Variants in SCNN1A observed in about 807,000 individuals in gnomAD.
SCNN1A encodes epithelial sodium channel subunit alpha.
SCNN1A carries 65 observed loss-of-function variants against 68.6 expected under a neutral mutation model. The ratio of observed to expected loss-of-function variants is 0.95; its 90% CI spans 0.78 to 1.16. The LOEUF is 1.16. Ranked by LOEUF, SCNN1A falls within the 50% of genes most tolerant of loss-of-function variation. The pLI is 0.00. For synonymous variants in SCNN1A, 357 were observed against 353.3 expected (o/e 1.01, Z -0.12); for missense variants, 880 against 865.9 (o/e 1.02, Z -0.20).
rs200650147 is a variant in SCNN1A at position 6,348,711 on chromosome 12, T to C, written c.1629+16A>G. 1.9e-6 allele frequency: 3 copies of C among 1,608,462 alleles called. 1 individual carries two copies. In the African/African-American group the frequency reaches 4.0e-5, roughly 22 times the overall value. On this transcript the variant is annotated intron_variant, in intron 12 of 12. Coordinates refer to ENST00000228916, the MANE Select transcript of SCNN1A (RefSeq NM_001038.6). ...GACCCCCAGAGCATCACAGGCTCCA[T>C]CCAGGCACGACCTACCGTGACAGAG...
At chr12:6,371,518 C>T (rs1357035573) in intron 2 of SCNN1A, among the ~76,000 whole-genome samples, 5 of 83,438 alleles carry the variant, frequency 6.0e-5, no homozygotes, top group African/African-American at 1.9e-4. Context: ...TCCATTGGAG[C>T]GTGGCGGGGG....
At chr12:6,350,843 ATAAT>A (rs1948374886) in intron 8 of SCNN1A, among the ~76,000 whole-genome samples, 1 of 143,068 alleles carries the variant, frequency 7.0e-6, no homozygotes, top group Admixed American at 6.6e-5. Context: ...CTCAAAATAA[ATAAT>A]AAATAAATAA....
intron 5 of SCNN1A, 31 bp downstream of exon 5, chr12:6,355,746 G>A (rs374815914): frequency 6.9e-7 from 1 of 1,451,282 alleles, no homozygotes; most frequent in African/African-American, 1.4e-5. Flanking sequence ...TGAAGCAGAG[G>A]GCGCCATGGA....
Position 6,362,057 on chromosome 12 carries a change from T to C in SCNN1A, c.869A>G (p.Asn290Ser), listed in dbSNP as rs1248316244. The C allele has an allele frequency of 6.2e-7, 1 of 1,614,062 alleles. No homozygotes were observed. Among genetic ancestry groups the C allele is most frequent in the Admixed American group, 1.7e-5 (1 of 60,010 alleles). ...FACRFNQVSC[N>S]QANYSHFHHP... is the part of the protein sequence containing the mutation. ...CCAGGCAGGACTGACTCACGCCTGG[T>C]TGCAGGAGACCTGGTTGAAGCGGCA... The change falls in exon 4 of 13, where the codon AAC (asparagine) becomes AGC (serine). Residue 290 changes from asparagine (N) to serine (S), a missense_variant. By Grantham distance (46) the Asn-to-Ser change is conservative. Transcript: ENST00000228916.
chr12:6,375,223 T>C, intron 1 of SCNN1A: 7 of 1,440,956 alleles, frequency 4.9e-6, no homozygotes, highest in Non-Finnish European at 6.3e-6. Flanking sequence ...TGCCTTCTGT[T>C]TCTCTTTGGG....
In SCNN1A at chr12:6,354,646, C is replaced by G. The variant is rs889955781; in HGVS notation, c.1243-91G>C. 6.7e-5 allele frequency: 95 copies of G among 1,413,240 alleles called. 1 individual carries two copies. In the South Asian group the frequency reaches 1.0e-3, roughly 15 times the overall value. 87.5% of individuals were successfully genotyped at this position (1,413,240 alleles called of 1,614,324 possible). On this transcript the variant is annotated intron_variant, in intron 7 of 12. Transcript: ENST00000228916. ...GCCTCCATCCTCTTTCCACCACCCCCCAGTTTCCCTCTCTCTCTCTCACAT... is the reference window on the plus strand; with the variant it reads ...GCCTCCATCCTCTTTCCACCACCCCGCAGTTTCCCTCTCTCTCTCTCACAT...
At chr12:6,353,249 C>T (rs1033422610) in intron 8 of SCNN1A, among the ~76,000 whole-genome samples, 2 of 152,126 alleles carry the variant, frequency 1.3e-5, no homozygotes, top group African/African-American at 4.8e-5. Flanking sequence ...AAATCTTAAA[C>T]AGGTCCAATA....
rs755365105 is a variant in SCNN1A at position 6,363,628 on chromosome 12, A to G, written c.499T>C (p.Phe167Leu). 2.0e-5 allele frequency: 32 copies of G among 1,613,314 alleles called. No individual in the cohort carries two copies. The Admixed American group carries it at 5.0e-4, about 25-fold the overall frequency. The part of the protein sequence containing the change: ...TLFDLYKYSS[F>L]TTLVAGSRSR... ...CGGGAGCCGGCCACGAGAGTGGTGAAGGAGCTGTATTTGTACAGGTCAAAG... is the reference window on the plus strand; with the variant it reads ...CGGGAGCCGGCCACGAGAGTGGTGAGGGAGCTGTATTTGTACAGGTCAAAG... Residue 167 changes from phenylalanine to leucine, a missense_variant, in exon 3 of 13, where the codon TTC becomes CTC. Phe to Leu is a conservative substitution (Grantham distance 22, BLOSUM62 0). Around this residue, in one of 3 missense-constraint regions of SCNN1A, gnomAD observed 758 missense variants for 721.8 expected, o/e 1.05. Transcript: ENST00000228916.
In SCNN1A at chr12:6,355,342, T is replaced by C. The variant is rs569195112; in HGVS notation, c.1073A>G (p.Glu358Gly). 1.1e-4 allele frequency: 183 copies of C among 1,613,958 alleles called. 4 individuals are homozygous for C. In the South Asian group the frequency reaches 1.9e-3, roughly 17 times the overall value. The change falls in exon 6 of 13, where the codon GAA becomes GGA. Residue 358 changes from glutamate to glycine, a missense_variant. Physicochemically the swap from Glu to Gly is moderately conservative, Grantham distance 98. This residue lies in a region of SCNN1A where 758 missense variants were observed against 721.8 expected (regional missense o/e 1.05). Coordinates refer to ENST00000228916, the MANE Select transcript of SCNN1A (RefSeq NM_001038.6). ...GCCACCATCATCCATAAAGGCAGGT[T>C]CATCCTGCCCGTGCACCATTACCCG... is the stretch of plus-strand genomic sequence containing the variant. Reference protein sequence around the residue: ...GARVMVHGQDEPAFMDDGGFN... With the variant: ...GARVMVHGQDGPAFMDDGGFN...
chr12:6,375,578 T>C (rs1444167713), upstream of SCNN1A: 3 of 1,473,660 alleles, frequency 2.0e-6, no homozygotes, highest in Admixed American at 6.1e-5. Context: ...GGAATCTCAT[T>C]AGCATCTCAA....
In SCNN1A at chr12:6,372,681, C is replaced by T. The variant is rs551288921; in HGVS notation, c.416+1687G>A. 4.6e-4 allele frequency among the ~76,000 whole-genome samples: 70 copies of T among 152,326 alleles called. No homozygotes were observed. Among genetic ancestry groups the T allele is most frequent in the African/African-American group, 1.6e-3 (66 of 41,564 alleles). ...ATTTATTGAGTGCCCACTGCCCCGC[C>T]TGCTGTCCTTCCCCTTCCTGCTGGG... is the stretch of plus-strand genomic sequence containing the variant. On this transcript the variant is annotated intron_variant, in intron 2 of 12. Transcript: ENST00000228916. The surrounding 1 kb of genome is among the most constrained non-coding windows in gnomAD (Gnocchi z 5.8).
intron 2 of SCNN1A, among the ~76,000 whole-genome samples, chr12:6,364,626 G>T (rs1445502248): frequency 6.6e-6 from 1 of 151,984 alleles, no homozygotes; most frequent in Non-Finnish European, 1.5e-5. Flanking sequence ...GCCGGGCTTG[G>T]TGGCGGGCGC....
rs1393217944 is a variant in SCNN1A, at chr12:6,372,535, G to A, written c.416+1833C>T. Among the ~76,000 whole-genome samples the A allele has an allele frequency of 3.9e-5, 6 of 152,178 alleles. No individual in the cohort carries two copies. The highest frequency in any genetic ancestry group is 3.9e-4 in the East Asian group (2 of 5,194). ...GCAGGGCTTATGGCTTCCTTTCCCCGGCTTTTTCCTGGACTGTCTAGGGCC... is the reference window on the plus strand; with the variant it reads ...GCAGGGCTTATGGCTTCCTTTCCCCAGCTTTTTCCTGGACTGTCTAGGGCC... On this transcript the variant is annotated intron_variant, in intron 2 of 12. Transcript: ENST00000228916. The surrounding 1 kb of genome is among the most constrained non-coding windows in gnomAD (Gnocchi z 5.8).
chr12:6,365,400 A>G (rs894950998), intron 2 of SCNN1A, among the ~76,000 whole-genome samples: 4 of 152,222 alleles, frequency 2.6e-5, no homozygotes, highest in African/African-American at 7.2e-5. Flanking sequence ...ATAGCTAGAA[A>G]ATTTTAGAAA....
chr12:6,371,031 T>TC (rs1257548590), intron 2 of SCNN1A, among the ~76,000 whole-genome samples: 1 of 152,230 alleles, frequency 6.6e-6, no homozygotes, highest in Non-Finnish European at 1.5e-5. Context: ...CCCTTCGGAC[T>TC]CAGCACTTCC....
At chr12:6,377,307 T>C, upstream of SCNN1A, 2 of 1,538,224 alleles carry the variant, frequency 1.3e-6, no homozygotes, top group Non-Finnish European at 1.8e-6. Flanking sequence ...TTTTCTTCAT[T>C]GTCCTAATGA....
At chr12:6,365,542 A>G (rs1948661748) in intron 2 of SCNN1A, among the ~76,000 whole-genome samples, 1 of 152,202 alleles carries the variant, frequency 6.6e-6, no homozygotes, top group Non-Finnish European at 1.5e-5. Flanking sequence ...CCAGAAATAA[A>G]CTCATGCATA....
chr12:6,357,239 C>A (rs1270179488), intron 4 of SCNN1A, among the ~76,000 whole-genome samples: 6 of 151,868 alleles, frequency 4.0e-5, no homozygotes, highest in African/African-American at 1.2e-4. Context: ...GTTCCATCAG[C>A]GGTGGAGAAA....
At chr12:6,366,539 A>G (rs371695707) in intron 2 of SCNN1A, among the ~76,000 whole-genome samples, 8 of 152,170 alleles carry the variant, frequency 5.3e-5, no homozygotes, top group African/African-American at 1.9e-4. Flanking sequence ...AGTGGCTCAC[A>G]CCTGTAATCC....
Sources: allele counts gnomAD v4.1 joint callset (sites outside exome capture counted in the v4.1 genomes callset), GRCh38; gene constraint gnomAD v4.1.1; regional missense constraint gnomAD v4.1.1; non-coding constraint Gnocchi (gnomAD v3.1); transcripts MANE v1.5; gene names NCBI Gene and HGNC (gene_info 2026-07-23, HGNC 2026-07-21).